UGT1A3: variants seen among roughly 807,000 people sequenced by gnomAD.
UGT1A3 encodes the protein UDP glucuronosyltransferase family 1 member A3, also known as UDP-glucuronosyltransferase 1A3.
Under a neutral mutation model 41.0 loss-of-function variants are expected in UGT1A3, and 31 were observed. The ratio of observed to expected loss-of-function variants is 0.76; its 90% CI spans 0.57 to 1.02. The LOEUF is 1.02. UGT1A3 is among the 50% of genes least tolerant of loss of function. The probability of loss-of-function intolerance (pLI) is 0.00; values close to 1 mark genes in which losing one functional copy is unlikely to be tolerated. For missense variants in UGT1A3, 737 were observed against 671.0 expected (o/e 1.10, Z -1.09); for synonymous variants, 262 against 257.6 (o/e 1.02, Z -0.17).
intron 1 of UGT1A3, among the ~76,000 whole-genome samples, chr2:233,735,302 G>A (rs1400766071): frequency 6.6e-6 from 1 of 151,808 alleles, no homozygotes; most frequent in Non-Finnish European, 1.5e-5. Flanking sequence ...TTTTGTTAAA[G>A]TCTGTTTTAT....
In UGT1A3 at chr2:233,756,536, G is replaced by A. The variant is rs1381058944; in HGVS notation, c.868-10498G>A. Reference sequence around the variant, plus strand: ...AATGTGCATGTTATTCACTTTTCTTGACTGCTAAAACAACCAGGGAGATCC... The same window carrying A: ...AATGTGCATGTTATTCACTTTTCTTAACTGCTAAAACAACCAGGGAGATCC... On this transcript the variant is annotated intron_variant, in intron 1 of 4. Coordinates refer to ENST00000482026, the MANE Select transcript of UGT1A3 (RefSeq NM_019093.4). 2.0e-5 allele frequency among the ~76,000 whole-genome samples: 3 copies of A among 151,924 alleles called. No individual in the cohort carries two copies. The East Asian group carries it at 5.8e-4, about 29-fold the overall frequency.
intron 1 of UGT1A3, among the ~76,000 whole-genome samples, chr2:233,735,380 C>T (rs2078647090): frequency 1.3e-5 from 2 of 152,070 alleles, no homozygotes; most frequent in Middle Eastern, 3.2e-3. Context: ...TTCCTCCATC[C>T]CTTTATTTTG....
chr2:233,757,554 ATATATATG>A lies in UGT1A3; in HGVS notation c.868-9471_868-9464del, dbSNP rs1052235726. On this transcript the variant is annotated intron_variant, in intron 1 of 4. Transcript: ENST00000482026. ...GTAAGGAATATATATATATATATAT[ATATATATG>A]TATATATGATATAGCTATAGTCTAA... Among the ~76,000 whole-genome samples the A allele has an allele frequency of 3.8e-3, 481 of 125,326 alleles. 1 individual carries two copies. Among genetic ancestry groups the A allele is most frequent in the Non-Finnish European group, 4.6e-3 (284 of 61,224 alleles). 82.2% of individuals were successfully genotyped at this position (125,326 alleles called of 152,430 possible).
intron 1 of UGT1A3, chr2:233,754,946 G>C (rs770244493): frequency 2.0e-5 from 27 of 1,327,582 alleles, no homozygotes; most frequent in Non-Finnish European, 2.6e-5. Context: ...AGGAGAATGG[G>C]TCCCGGCCGC....
At chr2:233,749,591 G>A (rs1280802236) in intron 1 of UGT1A3, among the ~76,000 whole-genome samples, 27 of 151,796 alleles carry the variant, frequency 1.8e-4, no homozygotes. Context: ...GTCTCAACAT[G>A]AAGTCACACT....
chr2:233,751,060 C>T (rs1694630836), intron 1 of UGT1A3, among the ~76,000 whole-genome samples: 1 of 151,896 alleles, frequency 6.6e-6, no homozygotes, highest in South Asian at 2.1e-4. Flanking sequence ...GACACAGACA[C>T]TCAATGCCAG....
intron 1 of UGT1A3, among the ~76,000 whole-genome samples, chr2:233,730,227 G>T (rs1389808961): frequency 2.0e-5 from 3 of 152,112 alleles, no homozygotes; most frequent in East Asian, 3.9e-4. Context: ...TTTGTAAAAG[G>T]ATGGACAAGG....
chr2:233,739,826 A>G (rs989260193), intron 1 of UGT1A3, among the ~76,000 whole-genome samples: 6 of 152,024 alleles, frequency 3.9e-5, no homozygotes, highest in African/African-American at 1.2e-4. Context: ...TTAAATGTGA[A>G]AAGACATGAG....
At chr2:233,756,551 C>G (rs1440983818) in intron 1 of UGT1A3, among the ~76,000 whole-genome samples, 1 of 152,076 alleles carries the variant, frequency 6.6e-6, no homozygotes, top group East Asian at 1.9e-4. Context: ...CTAAAACAAC[C>G]AGGGAGATCC....
At chr2:233,764,961 TG>T (rs1172324167) in intron 1 of UGT1A3, among the ~76,000 whole-genome samples, 1 of 152,020 alleles carries the variant, frequency 6.6e-6, no homozygotes, top group Non-Finnish European at 1.5e-5. Context: ...GGGCTCACCT[TG>T]GGAGAAGGAT....
chr2:233,747,777 A>T (rs1038765158), intron 1 of UGT1A3: 20 of 1,613,544 alleles, frequency 1.2e-5, no homozygotes, highest in Non-Finnish European at 1.3e-5. Context: ...ACAGTGTCCA[A>T]ATCCTTCCTC....
intron 1 of UGT1A3, chr2:233,740,670 G>C (rs915333505): frequency 4.0e-5 from 6 of 151,870 alleles, no homozygotes; most frequent in African/African-American, 1.5e-4. Flanking sequence ...AGGTACAGGT[G>C]TTTCCATGGA....
rs1469650608 is a variant in UGT1A3 at position 233,729,643 on chromosome 2, T to C, written c.517T>C (p.Leu173=). The C allele has an allele frequency of 6.2e-7, 1 of 1,613,972 alleles. No individual in the cohort carries two copies. Among genetic ancestry groups the C allele is most frequent in the East Asian group, 2.2e-5 (1 of 44,882 alleles). Reference sequence around the variant, plus strand: ...CCTGTCGATTCCTACTGTGTTTTTTTTGAGGAACATTCCATGTGATTTAGA... The same window carrying C: ...CCTGTCGATTCCTACTGTGTTTTTTCTGAGGAACATTCCATGTGATTTAGA... ...KYLSIPTVFF[L]RNIPCDLDFK... Residue 173 remains leucine, a synonymous_variant, in exon 1 of 5, where the codon TTG becomes CTG. Transcript: ENST00000482026.
rs6735370 is a variant in UGT1A3 at position 233,743,982 on chromosome 2, C to A, written c.867+13989C>A. 7.7e-6 allele frequency: 10 copies of A among 1,297,000 alleles called. 1 individual carries two copies. The highest frequency in any genetic ancestry group is 4.6e-5 in the African/African-American group (3 of 65,422). The allele number at this position is 1,297,000 out of a possible 1,614,324, so 80.3% of individuals were successfully genotyped here. The stretch of plus-strand genomic sequence containing the variant: ...AGCGGCAAGGCTGCCAGCACCCAGG[C>A]GCAGGCCCGAGTGCTCGGAGACCTG... On this transcript the variant is annotated intron_variant, in intron 1 of 4. Transcript: ENST00000482026.
intron 1 of UGT1A3, among the ~76,000 whole-genome samples, chr2:233,757,449 A>G (rs1402767251): frequency 1.3e-5 from 2 of 150,796 alleles, no homozygotes; most frequent in Admixed American, 6.6e-5. Context: ...ATACAGAAAC[A>G]TGTCCAGAGC....
chr2:233,740,827 A>T lies in UGT1A3; in HGVS notation c.867+10834A>T, dbSNP rs887567904. On this transcript the variant is annotated intron_variant, in intron 1 of 4. Transcript: ENST00000482026. ...AGCACTGTTCTGTTTTTGAGCTGAGACATTTTAAAAGGAGATTTTTCAATT... is the reference window on the plus strand; with the variant it reads ...AGCACTGTTCTGTTTTTGAGCTGAGTCATTTTAAAAGGAGATTTTTCAATT... The T allele has an allele frequency of 9.9e-5, 15 of 151,890 alleles. 1 individual carries two copies. Among genetic ancestry groups the T allele is most frequent in the African/African-American group, 3.6e-4 (15 of 41,128 alleles). 9.4% of individuals were successfully genotyped at this position (151,890 alleles called of 1,614,324 possible).
chr2:233,762,111 A>T (rs899038640), intron 1 of UGT1A3, among the ~76,000 whole-genome samples: 1 of 152,200 alleles, frequency 6.6e-6, no homozygotes, highest in South Asian at 2.1e-4. Flanking sequence ...TGTCCGCTTC[A>T]CATCATGAGC....
chr2:233,772,138 AG>A lies in UGT1A3; in HGVS notation c.1308-123del, dbSNP rs1367045628. 6 of 1,548,126 alleles carry A rather than the reference AG, an allele frequency of 3.9e-6. No homozygotes were observed. In the African/African-American group the frequency reaches 8.2e-5, roughly 21 times the overall value. ...TAAAAACAACAACAACAACAATAATAGAAACAGGTTTCCTTTCCCAAGTTTG... is the reference window on the plus strand; with the variant it reads ...TAAAAACAACAACAACAACAATAATAAAACAGGTTTCCTTTCCCAAGTTTG... On this transcript the variant is annotated intron_variant, in intron 4 of 4. Coordinates refer to ENST00000482026, the MANE Select transcript of UGT1A3 (RefSeq NM_019093.4).
intron 1 of UGT1A3, among the ~76,000 whole-genome samples, chr2:233,745,781 C>T (rs1693207389): frequency 6.7e-6 from 1 of 150,162 alleles, no homozygotes; most frequent in Non-Finnish European, 1.5e-5. Context: ...TGAGCTTAGA[C>T]AGGGGGGCTG....
Sources: gnomAD v4.1 joint callset for allele counts (sites outside exome capture counted in the v4.1 genomes callset) on GRCh38, gnomAD v4.1.1 for gene constraint, MANE v1.5 for transcripts, NCBI Gene and HGNC (gene_info 2026-07-23, HGNC 2026-07-21) for gene names.